The following CD1B variants were observed in gnomAD, a reference collection of about 807,000 sequenced individuals.
CD1B encodes the protein CD1b molecule, also known as T-cell surface glycoprotein CD1b.
Under a neutral mutation model 39.8 loss-of-function variants are expected in CD1B, and 43 were observed. The ratio of observed to expected loss-of-function variants is 1.08; its 90% CI spans 0.85 to 1.39. The LOEUF is 1.39. Among genes scored for constraint, CD1B ranks in the 40% most tolerant of loss-of-function variants. CD1B has a pLI of 0.00. For missense variants in CD1B, 495 were observed against 403.8 expected (o/e 1.23, Z -1.94); for synonymous variants, 192 against 152.5 (o/e 1.26, Z -1.91).
the CD1B span, among the ~76,000 whole-genome samples, chr1:158,314,138 G>A: frequency 1.3e-5 from 2 of 152,098 alleles, no homozygotes; most frequent in Admixed American, 6.6e-5. Context: ...AGGCTGGAGT[G>A]CAGTGGCACG....
chr1:158,328,099 A>C lies in CD1B; in HGVS notation c.*137T>G. 1 of 709,908 alleles carries C rather than the reference A, an allele frequency of 1.4e-6. No individual in the cohort carries two copies. The highest frequency in any genetic ancestry group is 2.0e-5 in the South Asian group (1 of 50,878). The allele number at this position is 709,908 out of a possible 1,614,324, so 44.0% of individuals were successfully genotyped here. ...CTTTTTTGCTGATGTTTAAATAATA[A>C]TTTATTTTAAAATACATGAAAACTC... On this transcript the variant is annotated 3_prime_UTR_variant, in exon 6 of 6. Transcript: ENST00000368168.
chr1:158,313,456 G>A, the CD1B span, among the ~76,000 whole-genome samples: 4 of 151,956 alleles, frequency 2.6e-5, no homozygotes, highest in Non-Finnish European at 4.4e-5. Flanking sequence ...GACTACAGGC[G>A]CCCACCACCA....
At chr1:158,288,780 A>G in the CD1B span, among the ~76,000 whole-genome samples, 1 of 152,244 alleles carries the variant, frequency 6.6e-6, no homozygotes, top group Non-Finnish European at 1.5e-5. Context: ...TAATAAATGT[A>G]TTTCCTGGAT....
the CD1B span, among the ~76,000 whole-genome samples, chr1:158,295,285 G>A: frequency 1.3e-5 from 2 of 152,092 alleles, no homozygotes; most frequent in African/African-American, 4.8e-5. Context: ...TGGGCTGAAG[G>A]GGGGAAGAAG....
chr1:158,293,567 T>C, the CD1B span: 1 of 1,613,890 alleles, frequency 6.2e-7, no homozygotes, highest in Admixed American at 1.7e-5. Context: ...CGACTCTCCA[T>C]TTAAATTGTT....
chr1:158,293,094 GA>G, the CD1B span: 11 of 952,658 alleles, frequency 1.2e-5, no homozygotes, highest in African/African-American at 1.8e-4. Context: ...TAGAGTGACT[GA>G]AATAGGATAA....
chr1:158,321,953 T>TC, the CD1B span, among the ~76,000 whole-genome samples: 1 of 152,088 alleles, frequency 6.6e-6, no homozygotes, highest in African/African-American at 2.4e-5. Context: ...TGTGTGTTGC[T>TC]CCCCACCATG....
At chr1:158,317,291 C>T in the CD1B span, among the ~76,000 whole-genome samples, 1 of 152,100 alleles carries the variant, frequency 6.6e-6, no homozygotes, top group East Asian at 1.9e-4. Flanking sequence ...CCATCTGGTC[C>T]TGGACTCTTT....
chr1:158,294,736 T>C, the CD1B span, among the ~76,000 whole-genome samples: 1 of 152,352 alleles, frequency 6.6e-6, no homozygotes, highest in African/African-American at 2.4e-5. Flanking sequence ...GTATTTTCTA[T>C]GATTTTATTA....
the CD1B span, among the ~76,000 whole-genome samples, chr1:158,317,340 T>A: frequency 2.6e-5 from 4 of 152,284 alleles, no homozygotes; most frequent in Non-Finnish European, 5.9e-5. Context: ...CAATTTCATA[T>A]CCTGTTATTG....
the CD1B span, among the ~76,000 whole-genome samples, chr1:158,306,646 C>A: frequency 2.0e-5 from 3 of 152,142 alleles, no homozygotes; most frequent in Non-Finnish European, 2.9e-5. Context: ...AGCACCACAC[C>A]GCACTTATTC....
At chr1:158,316,885 C>T in the CD1B span, among the ~76,000 whole-genome samples, 4 of 152,006 alleles carry the variant, frequency 2.6e-5, no homozygotes, top group East Asian at 5.8e-4. Context: ...TGAATTTTGT[C>T]AAAGGTCTTT....
At chr1:158,321,230 G>A in the CD1B span, among the ~76,000 whole-genome samples, 7 of 152,098 alleles carry the variant, frequency 4.6e-5, no homozygotes, top group Middle Eastern at 6.8e-3. Context: ...TTCTCTTTCT[G>A]TATTTACCCC....
At chr1:158,314,581 C>T in the CD1B span, among the ~76,000 whole-genome samples, 12 of 151,808 alleles carry the variant, frequency 7.9e-5, no homozygotes, top group Non-Finnish European at 1.6e-4. Flanking sequence ...AAATGTAAGC[C>T]TTTATTGCTG....
At chr1:158,315,027 A>G in the CD1B span, among the ~76,000 whole-genome samples, 68,519 of 140,932 alleles carry the variant, frequency 0.49, 18,598 homozygotes, top group East Asian at 0.74. Context: ...TGGTGTATAT[A>G]TGCCACATTT....
At chr1:158,304,680 G>A in the CD1B span, among the ~76,000 whole-genome samples, 153 of 152,332 alleles carry the variant, frequency 1.0e-3, no homozygotes, top group Non-Finnish European at 2.0e-3. Flanking sequence ...TAACTGGGAG[G>A]CACCTCCCAG....
intron 4 of CD1B, 111 bp from the exon 5 acceptor site, chr1:158,329,125 C>T (rs1652475883): frequency 6.9e-6 from 7 of 1,011,924 alleles, no homozygotes; most frequent in Admixed American, 2.4e-5. Flanking sequence ...AACTTCCTCT[C>T]TCATATTCCT....
At chr1:158,304,354 G>A in the CD1B span, among the ~76,000 whole-genome samples, 1 of 152,200 alleles carries the variant, frequency 6.6e-6, no homozygotes, top group Non-Finnish European at 1.5e-5. Flanking sequence ...TAGCACAGCA[G>A]TCTGAGATCA....
the CD1B span, among the ~76,000 whole-genome samples, chr1:158,287,752 A>G: frequency 5.3e-5 from 8 of 152,234 alleles, no homozygotes; most frequent in Non-Finnish European, 1.0e-4. Context: ...TAGCTAGGTT[A>G]TGTTGCAGTT....
Sources: gnomAD v4.1 joint callset for allele counts (sites outside exome capture counted in the v4.1 genomes callset) on GRCh38, gnomAD v4.1.1 for gene constraint, MANE v1.5 for transcripts, NCBI Gene and HGNC (gene_info 2026-07-23, HGNC 2026-07-21) for gene names.